MBD5: variants seen among roughly 807,000 people sequenced by gnomAD.
MBD5 encodes the protein methyl-CpG-binding domain protein 5.
A neutral mutation model predicts 117.3 loss-of-function variants in MBD5; 13 were observed. That is an observed-to-expected ratio of 0.11 (90% CI 0.07 to 0.18). MBD5 has a LOEUF of 0.18. Ranked by LOEUF, MBD5 falls within the 10% of genes least tolerant of loss-of-function variation. The pLI, the probability that MBD5 is intolerant of heterozygous loss-of-function variation, is 1.00. For synonymous variants in MBD5, 727 were observed against 766.4 expected (o/e 0.95, Z 0.85); for missense variants, 1,879 against 2,093.8 (o/e 0.90, Z 2.00).
chr2:148,485,877 C>A lies in MBD5; in HGVS notation c.3680C>A (p.Ala1227Glu). Residue 1227 changes from alanine (A) to glutamate (E), a missense_variant, in exon 10 of 14, where the codon GCG (alanine) becomes GAG (glutamate). By Grantham distance (107) the Ala-to-Glu change is moderately radical (BLOSUM62 -1). Coordinates refer to ENST00000642680, the MANE Select transcript of MBD5 (RefSeq NM_001378120.1). ...CTCCAGGGGTACCAGAATCTCCAGG[C>A]GTTCCAAGGACAGTCCACAATTCCT... ...QLLQGYQNLQAFQGQSTIPCP... is the reference protein window; with the variant it reads ...QLLQGYQNLQEFQGQSTIPCP... 1 of 1,614,090 alleles carries A rather than the reference C, an allele frequency of 6.2e-7. No individual in the cohort carries two copies. Among genetic ancestry groups the A allele is most frequent in the Non-Finnish European group, 8.5e-7 (1 of 1,179,984 alleles).
At chr2:148,244,358 G>A (rs1210741519) in intron 3 of MBD5, 1 of 152,054 alleles carries the variant, frequency 6.6e-6, no homozygotes, top group Non-Finnish European at 1.5e-5. Context: ...TACTAATAAA[G>A]GGTGGGTAAA....
At chr2:148,388,542 A>G (rs1396233153) in intron 4 of MBD5, among the ~76,000 whole-genome samples, 1 of 152,202 alleles carries the variant, frequency 6.6e-6, no homozygotes, top group Non-Finnish European at 1.5e-5. Flanking sequence ...ATATAATTAT[A>G]TTCATTTTCT....
In MBD5 at chr2:148,466,461, A is replaced by C. The variant is rs185054147; in HGVS notation, c.398-1880A>C. 1.5e-3 allele frequency among the ~76,000 whole-genome samples: 230 copies of C among 152,258 alleles called. 1 individual carries two copies. The highest frequency in any genetic ancestry group is 0.014 in the Middle Eastern group (4 of 294). On this transcript the variant is annotated intron_variant, in intron 7 of 13. Transcript: ENST00000642680. ...TAAAAATTCCAGTGTCTGTATTTTT[A>C]ATCACTGAACTGTAGATAATTATAT...
chr2:148,299,038 T>C (rs4972353), intron 3 of MBD5, among the ~76,000 whole-genome samples: 143,552 of 152,174 alleles, frequency 0.94, 68,233 homozygotes, highest in East Asian at 1. Context: ...CAGGATATGC[T>C]AGGCCAAGCC....
chr2:148,305,449 C>T (rs908337258), intron 3 of MBD5, among the ~76,000 whole-genome samples: 1 of 152,166 alleles, frequency 6.6e-6, no homozygotes, highest in Non-Finnish European at 1.5e-5. Flanking sequence ...TGTCTACAAA[C>T]CCAGTTTCTG....
At chr2:148,156,697 G>A (rs1574077792) in intron 1 of MBD5, among the ~76,000 whole-genome samples, 1 of 152,146 alleles carries the variant, frequency 6.6e-6, no homozygotes, top group East Asian at 1.9e-4. Flanking sequence ...CTTTCACTTA[G>A]CCAAAGTTAA....
At chr2:148,433,112 A>G (rs1216492489) in intron 4 of MBD5, among the ~76,000 whole-genome samples, 1 of 151,856 alleles carries the variant, frequency 6.6e-6, no homozygotes, top group African/African-American at 2.4e-5. Flanking sequence ...TAGGTATTTT[A>G]TTCTTTTTGT....
intron 12 of MBD5, among the ~76,000 whole-genome samples, chr2:148,509,571 C>A (rs1284818004): frequency 6.6e-6 from 1 of 152,226 alleles, no homozygotes; most frequent in Non-Finnish European, 1.5e-5. Context: ...GCATTTCAGC[C>A]TTCACTTGCT....
intron 4 of MBD5, among the ~76,000 whole-genome samples, chr2:148,446,881 A>T (rs887360000): frequency 3.3e-5 from 5 of 152,040 alleles, no homozygotes; most frequent in Non-Finnish European, 7.4e-5. Context: ...CCTTTGAAAG[A>T]CTTGATGAAT....
intron 3 of MBD5, among the ~76,000 whole-genome samples, chr2:148,310,747 A>G (rs1702009327): frequency 6.6e-6 from 1 of 152,066 alleles, no homozygotes; most frequent in African/African-American, 2.4e-5. Context: ...TAGGGTGTCA[A>G]TTTTAGATCT....
chr2:148,475,056 G>T lies in MBD5; in HGVS notation c.2518+4595G>T, dbSNP rs190411902. Among the ~76,000 whole-genome samples the T allele has an allele frequency of 9.9e-5, 15 of 152,246 alleles. 1 individual carries two copies. In the East Asian group the frequency reaches 2.7e-3, roughly 27 times the overall value. On this transcript the variant is annotated intron_variant, in intron 8 of 13. Transcript: ENST00000642680. ...TCTCAGGAGATGAGAGATTTGTATA[G>T]AAATAATTCAGTGTTATATAGATTA...
chr2:148,386,718 C>CAAAAA (rs60766324), intron 4 of MBD5, among the ~76,000 whole-genome samples: 34 of 104,202 alleles, frequency 3.3e-4, no homozygotes, highest in African/African-American at 6.6e-4. Context: ...GACTCCGTCT[C>CAAAAA]AAAAAAAAAA....
intron 1 of MBD5, among the ~76,000 whole-genome samples, chr2:148,148,802 G>A (rs1697547598): frequency 6.6e-6 from 1 of 152,078 alleles, no homozygotes; most frequent in African/African-American, 2.4e-5. Flanking sequence ...CTCAGAGACA[G>A]CCCCTAATTT....
chr2:148,364,388 A>C (rs1703632929), intron 4 of MBD5, among the ~76,000 whole-genome samples: 1 of 152,198 alleles, frequency 6.6e-6, no homozygotes, highest in Non-Finnish European at 1.5e-5. Flanking sequence ...CACTGCAAAA[A>C]CATACCAAAT....
chr2:148,425,620 C>G (rs989308584), intron 4 of MBD5, among the ~76,000 whole-genome samples: 1 of 152,150 alleles, frequency 6.6e-6, no homozygotes, highest in African/African-American at 2.4e-5. Flanking sequence ...TGATGAACAT[C>G]GGTGCAAAAA....
chr2:148,472,406 G>A, intron 8 of MBD5: 1 of 152,178 alleles, frequency 6.6e-6, no homozygotes, highest in South Asian at 2.1e-4. Flanking sequence ...AATCTAAGTA[G>A]AATTTTTAAA....
intron 1 of MBD5, among the ~76,000 whole-genome samples, chr2:148,036,702 CTT>C (rs1182479774): frequency 6.6e-6 from 1 of 152,018 alleles, no homozygotes; most frequent in Non-Finnish European, 1.5e-5. Context: ...ATCCTAGAAA[CTT>C]AACTGTCATT....
chr2:148,074,941 A>T (rs1414856434), intron 1 of MBD5, among the ~76,000 whole-genome samples: 1 of 152,210 alleles, frequency 6.6e-6, no homozygotes, highest in Non-Finnish European at 1.5e-5. Flanking sequence ...GACCTCCTCT[A>T]GAGAGGACCA....
chr2:148,293,006 T>C (rs1359440061), intron 3 of MBD5, among the ~76,000 whole-genome samples: 3 of 152,026 alleles, frequency 2.0e-5, no homozygotes, highest in Non-Finnish European at 4.4e-5. Flanking sequence ...TCCCACTCAT[T>C]TGCTGAATTA....
Sources: gnomAD v4.1 joint callset for allele counts (sites outside exome capture counted in the v4.1 genomes callset) on GRCh38, gnomAD v4.1.1 for gene constraint, MANE v1.5 for transcripts, NCBI Gene and HGNC (gene_info 2026-07-23, HGNC 2026-07-21) for gene names.